Variants in FGF12 observed in about 807,000 individuals in gnomAD.
FGF12 encodes fibroblast growth factor 12B.
Under a neutral mutation model 23.6 loss-of-function variants are expected in FGF12, and 14 were observed. The ratio of observed to expected loss-of-function variants is 0.59; its 90% CI spans 0.39 to 0.93. FGF12 has a LOEUF of 0.93. Among genes scored for constraint, FGF12 ranks in the 40% least tolerant of loss-of-function variants. The pLI, the probability that FGF12 is intolerant of heterozygous loss-of-function variation, is 0.00. For synonymous variants in FGF12, 62 were observed against 77.3 expected, an observed-to-expected ratio of 0.80 and a Z score of 1.04; for missense variants, 175 against 217.8, an observed-to-expected ratio of 0.80 and a Z score of 1.24.
rs114698623 is a variant in FGF12 at position 192,321,584 on chromosome 3, C to T, written c.228+13777G>A. On this transcript the variant is annotated intron_variant, in intron 4 of 5. Transcript: ENST00000445105. ...AAAACACACAACAAAATACAGCAAA[C>T]CAAATTCCACAACACATTAAAAAAA... Among the ~76,000 whole-genome samples, 164 of 149,702 alleles carry T rather than the reference C, an allele frequency of 1.1e-3. 1 individual carries two copies. Among genetic ancestry groups the T allele is most frequent in the African/African-American group, 3.8e-3 (157 of 40,846 alleles).
chr3:192,481,021 C>T (rs1054457563), intron 2 of FGF12, among the ~76,000 whole-genome samples: 3 of 152,054 alleles, frequency 2.0e-5, no homozygotes, highest in African/African-American at 7.2e-5. Flanking sequence ...GTGGTTAATG[C>T]CCTGTATGCT....
chr3:192,627,389 C>T (rs7628093), intron 2 of FGF12, among the ~76,000 whole-genome samples: 1,920 of 151,562 alleles, frequency 0.013, 54 homozygotes, highest in African/African-American at 0.044. Context: ...TACACTATAC[C>T]GAATACTATA....
chr3:192,433,532 G>T (rs1005165493), intron 2 of FGF12, among the ~76,000 whole-genome samples: 23 of 152,058 alleles, frequency 1.5e-4, no homozygotes, highest in African/African-American at 5.6e-4. Flanking sequence ...TATAATTTTT[G>T]TCTGTAAATG....
intron 2 of FGF12, among the ~76,000 whole-genome samples, chr3:192,392,414 AAAATAAATAAATAAAT>A (rs60248403): frequency 3.5e-5 from 5 of 143,644 alleles, no homozygotes; most frequent in Non-Finnish European, 6.1e-5. Context: ...CTAAAAATAA[AAAATAAATAAATAAAT>A]AAATAAATAA....
intron 4 of FGF12, among the ~76,000 whole-genome samples, chr3:192,292,455 C>T (rs1411043443): frequency 2.0e-5 from 3 of 152,058 alleles, no homozygotes; most frequent in African/African-American, 4.8e-5. Context: ...TTAATCAGTG[C>T]TAATTTCTCA....
At chr3:192,169,795 T>C (rs1715437569) in intron 5 of FGF12, among the ~76,000 whole-genome samples, 2 of 150,662 alleles carry the variant, frequency 1.3e-5, no homozygotes, top group South Asian at 4.2e-4. Flanking sequence ...AAGGAATTTC[T>C]GAGGGAACAT....
intron 4 of FGF12, among the ~76,000 whole-genome samples, chr3:192,220,779 A>C (rs902728782): frequency 6.6e-6 from 1 of 152,210 alleles, no homozygotes; most frequent in East Asian, 1.9e-4. Flanking sequence ...TTGGGGGTAT[A>C]AATATGTTTT....
At chr3:192,617,933 G>C (rs1206792314) in intron 2 of FGF12, among the ~76,000 whole-genome samples, 2 of 151,994 alleles carry the variant, frequency 1.3e-5, no homozygotes, top group East Asian at 3.9e-4. Context: ...AGCTATCCTA[G>C]GTATTTTAAG....
intron 2 of FGF12, among the ~76,000 whole-genome samples, chr3:192,587,766 A>C (rs1713430791): frequency 6.6e-6 from 1 of 151,978 alleles, no homozygotes; most frequent in Admixed American, 6.6e-5. Flanking sequence ...GGTTACAGGG[A>C]GCTATGACTG....
Position 192,367,560 on chromosome 3 carries a change from G to T in FGF12, c.14-7022C>A, listed in dbSNP as rs1000132722. Reference sequence around the variant, plus strand: ...CCAAAGTCCCAGGCAAATCAGAAATGAGCTACAGTAAGCATTTGAAAAGGG... The same window carrying T: ...CCAAAGTCCCAGGCAAATCAGAAATTAGCTACAGTAAGCATTTGAAAAGGG... On this transcript the variant is annotated intron_variant, in intron 2 of 5. Transcript: ENST00000445105. 4.4e-4 allele frequency among the ~76,000 whole-genome samples: 67 copies of T among 152,216 alleles called. 1 individual carries two copies. Among genetic ancestry groups the T allele is most frequent in the Non-Finnish European group, 5.0e-4 (34 of 68,038 alleles).
chr3:192,554,041 G>T (rs187751002), intron 2 of FGF12, among the ~76,000 whole-genome samples: 122 of 152,274 alleles, frequency 8.0e-4, no homozygotes, highest in African/African-American at 2.7e-3. Context: ...CCAAAATTCT[G>T]AACTTTCAAG....
chr3:192,666,152 C>A (rs557867848), intron 2 of FGF12, among the ~76,000 whole-genome samples: 11 of 152,112 alleles, frequency 7.2e-5, no homozygotes, highest in Non-Finnish European at 1.3e-4. Context: ...ATAAAATAAA[C>A]ATTAAAAAGT....
At chr3:192,248,398 G>GT (rs1711778848) in intron 4 of FGF12, among the ~76,000 whole-genome samples, 2 of 152,136 alleles carry the variant, frequency 1.3e-5, no homozygotes, top group Non-Finnish European at 2.9e-5. Context: ...AATTTAAGAA[G>GT]TATCACTATT....
intron 2 of FGF12, among the ~76,000 whole-genome samples, chr3:192,717,417 A>G (rs1185358043): frequency 6.6e-6 from 1 of 152,216 alleles, no homozygotes; most frequent in Admixed American, 6.5e-5. Context: ...TAAACATAGT[A>G]AAAGCTGCAA....
intron 4 of FGF12, among the ~76,000 whole-genome samples, chr3:192,293,410 A>C (rs1201227088): frequency 1.3e-5 from 2 of 152,206 alleles, no homozygotes; most frequent in Non-Finnish European, 2.9e-5. Context: ...CCTCATTCTC[A>C]AGGGTTTTCT....
intron 2 of FGF12, among the ~76,000 whole-genome samples, chr3:192,676,164 C>T (rs149576255): frequency 6.6e-6 from 1 of 152,306 alleles, no homozygotes; most frequent in East Asian, 1.9e-4. Flanking sequence ...CTCAGTTCTT[C>T]CTCCCCTCTT....
intron 2 of FGF12, among the ~76,000 whole-genome samples, chr3:192,688,948 GA>G (rs1222180457): frequency 4.3e-4 from 65 of 152,178 alleles, no homozygotes; most frequent in Admixed American, 4.3e-3. Flanking sequence ...AACGTGGACT[GA>G]ATTGGTTGGA....
chr3:192,393,177 T>C (rs1177782815), intron 2 of FGF12, among the ~76,000 whole-genome samples: 1 of 152,228 alleles, frequency 6.6e-6, no homozygotes, highest in Non-Finnish European at 1.5e-5. Context: ...AAATATATTT[T>C]ATGTGACATC....
chr3:192,310,413 A>C (rs1384622791), intron 4 of FGF12, among the ~76,000 whole-genome samples: 1 of 152,188 alleles, frequency 6.6e-6, no homozygotes, highest in East Asian at 1.9e-4. Context: ...TATGGGCTTC[A>C]AACTTCAGTT....
Sources: allele counts gnomAD v4.1 joint callset (sites outside exome capture counted in the v4.1 genomes callset), GRCh38; gene constraint gnomAD v4.1.1; transcripts MANE v1.5; gene names NCBI Gene and HGNC (gene_info 2026-07-23, HGNC 2026-07-21).